EDC3: variants seen among roughly 807,000 people sequenced by gnomAD.
EDC3 encodes enhancer of mRNA decapping 3.
A neutral mutation model predicts 41.8 loss-of-function variants in EDC3; 20 were observed. The observed-to-expected ratio is 0.48, with a 90% confidence interval of 0.34 to 0.70. The LOEUF is 0.70. Among genes scored for constraint, EDC3 ranks in the 30% least tolerant of loss-of-function variants. The probability of loss-of-function intolerance (pLI) is 0.01; values close to 1 mark genes in which losing one functional copy is unlikely to be tolerated. For missense variants in EDC3, 444 were observed against 636.8 expected (o/e 0.70, Z 3.26); for synonymous variants, 206 against 243.2 (o/e 0.85, Z 1.42).
Position 74,640,587 on chromosome 15 carries a change from C to T in EDC3, c.853G>A (p.Glu285Lys). 6.2e-7 allele frequency: 1 copy of T among 1,614,140 alleles called. No individual in the cohort carries two copies. Among genetic ancestry groups the T allele is most frequent in the South Asian group, 1.1e-5 (1 of 91,074 alleles). ...SGLVVPSISY[E>K]LHKKLLSVAE... ...ACGGACAACAGCTTTTTATGCAGCTCATAGGAAATACTTGGGACAACCAGG... is the reference window on the plus strand; with the variant it reads ...ACGGACAACAGCTTTTTATGCAGCTTATAGGAAATACTTGGGACAACCAGG... The change falls in exon 5 of 7, where the codon GAG becomes AAG. Residue 285 changes from glutamate to lysine, a missense_variant. Glu to Lys is a moderately conservative substitution (Grantham distance 56, BLOSUM62 1). Coordinates refer to ENST00000315127, the MANE Select transcript of EDC3 (RefSeq NM_025083.5).
rs916623879 is a variant in EDC3 at position 74,665,798 on chromosome 15, CT to C, written c.484+5656del. ...AAGACAGATTATATTTCTTTCTTTC[CT>C]TTTTTTTTTTTTTTTTGAGACAGAG... On this transcript the variant is annotated intron_variant, in intron 3 of 6. Coordinates refer to ENST00000315127, the MANE Select transcript of EDC3 (RefSeq NM_025083.5). 7.0e-3 allele frequency among the ~76,000 whole-genome samples: 957 copies of C among 137,236 alleles called. 5 individuals carry two copies. Among genetic ancestry groups the C allele is most frequent in the African/African-American group, 0.017 (627 of 37,510 alleles). The allele number at this position is 137,236 out of a possible 152,430, so 90.0% of individuals were successfully genotyped here.
At chr15:74,647,881 T>C (rs2062435264) in intron 4 of EDC3, among the ~76,000 whole-genome samples, 1 of 152,190 alleles carries the variant, frequency 6.6e-6, no homozygotes, top group African/African-American at 2.4e-5. Flanking sequence ...GTGCAGGTGT[T>C]CTGTCCAGAA....
rs1224490954 is a variant in EDC3, at chr15:74,630,921, C to T, written c.*1691G>A. The T allele has an allele frequency of 1.3e-5, 2 of 152,364 alleles. No individual in the cohort carries two copies. The highest frequency in any genetic ancestry group is 3.4e-3 in the Middle Eastern group (1 of 294). The allele number at this position is 152,364 out of a possible 1,614,324, so 9.4% of individuals were successfully genotyped here. ...CACTGTACCTAATCAGGGGGCCTAACTGCATTAACAGGCAGCCAGAACCTA... is the reference window on the plus strand; with the variant it reads ...CACTGTACCTAATCAGGGGGCCTAATTGCATTAACAGGCAGCCAGAACCTA... On this transcript the variant is annotated 3_prime_UTR_variant, in exon 7 of 7. Coordinates refer to ENST00000315127, the MANE Select transcript of EDC3 (RefSeq NM_025083.5).
In EDC3 at chr15:74,688,863, T is replaced by C. The variant is rs1056460104; in HGVS notation, c.-19+7017A>G. On this transcript the variant is annotated intron_variant, in intron 1 of 6. Coordinates refer to ENST00000315127, the MANE Select transcript of EDC3 (RefSeq NM_025083.5). ...CGGAGGTTGCAGTGAGCCAAGATCC[T>C]GCTACTGCACTCCAGTATGGGTGAC... Among the ~76,000 whole-genome samples the C allele has an allele frequency of 1.3e-4, 20 of 149,836 alleles. No individual in the cohort carries two copies. In the Admixed American group the frequency reaches 1.3e-3, roughly 10 times the overall value.
chr15:74,692,233 T>C (rs1211306119), intron 1 of EDC3, among the ~76,000 whole-genome samples: 8 of 152,192 alleles, frequency 5.3e-5, no homozygotes, highest in African/African-American at 1.9e-4. Flanking sequence ...ACTTTTGCTT[T>C]AGGATAAAAT....
At chr15:74,679,153 G>A (rs777282338) in intron 1 of EDC3, among the ~76,000 whole-genome samples, 3 of 151,894 alleles carry the variant, frequency 2.0e-5, no homozygotes, top group Admixed American at 6.6e-5. Flanking sequence ...CCAAGATCGC[G>A]CCACTGCACT....
At chr15:74,684,235 C>T (rs1456092112) in intron 1 of EDC3, among the ~76,000 whole-genome samples, 2 of 151,850 alleles carry the variant, frequency 1.3e-5, no homozygotes, top group East Asian at 3.9e-4. Flanking sequence ...CAGGGTCTCA[C>T]TTTGCTGCCC....
chr15:74,632,409 CA>C lies in EDC3; in HGVS notation c.*202del. 1 of 647,228 alleles carries C rather than the reference CA, an allele frequency of 1.5e-6. No individual in the cohort carries two copies. The highest frequency in any genetic ancestry group is 2.0e-5 in the South Asian group (1 of 49,782). The allele number at this position is 647,228 out of a possible 1,614,324, so 40.1% of individuals were successfully genotyped here. A position where few individuals can be genotyped will look rare whatever the true frequency, so the allele number is the denominator to read the frequency against. ...TGGAGTTGCTGCACGCTCAGCCTGCCACCCAGCCCGGAACCCAGTGGGAAAG... is the reference window on the plus strand; with the variant it reads ...TGGAGTTGCTGCACGCTCAGCCTGCCCCCAGCCCGGAACCCAGTGGGAAAG... On this transcript the variant is annotated 3_prime_UTR_variant, in exon 7 of 7. Coordinates refer to ENST00000315127, the MANE Select transcript of EDC3 (RefSeq NM_025083.5). The surrounding 1 kb of genome is among the most constrained non-coding windows in gnomAD (Gnocchi z 4.0).
chr15:74,655,889 TCTC>T lies in EDC3; in HGVS notation c.661_663del (p.Glu221del), dbSNP rs1166687312. The T allele has an allele frequency of 6.2e-7, 1 of 1,614,060 alleles. No homozygotes were observed. Among genetic ancestry groups the T allele is most frequent in the Non-Finnish European group, 8.5e-7 (1 of 1,180,014 alleles). ...CCACTTCTCCTTTCATAGGTATCAA[TCTC>T]CTCAAACACAGCTGCCTTGTCAAAA... On this transcript the variant is annotated inframe_deletion, in exon 4 of 7. Transcript: ENST00000315127.
intron 1 of EDC3, among the ~76,000 whole-genome samples, chr15:74,693,950 T>C (rs766097213): frequency 6.6e-6 from 1 of 151,616 alleles, no homozygotes; most frequent in Non-Finnish European, 1.5e-5. Flanking sequence ...ACCACTGCAC[T>C]CCGTCCAACC....
chr15:74,631,995 G>A lies in EDC3; in HGVS notation c.*617C>T, dbSNP rs1181485412. 1 of 154,860 alleles carries A rather than the reference G, an allele frequency of 6.5e-6. No individual in the cohort carries two copies. Among genetic ancestry groups the A allele is most frequent in the Non-Finnish European group, 1.4e-5 (1 of 69,772 alleles). The allele number at this position is 154,860 out of a possible 1,614,324, so 9.6% of individuals were successfully genotyped here. ...CTCTGAGTGATGGAGGGAAAAGGAGGGAGAGATCCTTGGAAAAATCAGCAT... is the reference window on the plus strand; with the variant it reads ...CTCTGAGTGATGGAGGGAAAAGGAGAGAGAGATCCTTGGAAAAATCAGCAT... On this transcript the variant is annotated 3_prime_UTR_variant, in exon 7 of 7. Coordinates refer to ENST00000315127, the MANE Select transcript of EDC3 (RefSeq NM_025083.5).
chr15:74,676,626 A>C (rs940533498), intron 1 of EDC3, among the ~76,000 whole-genome samples: 1 of 152,200 alleles, frequency 6.6e-6, no homozygotes, highest in African/African-American at 2.4e-5. Context: ...TGACACAAGA[A>C]ATTAAAAATC....
At chr15:74,676,061 C>T (rs954147105) in intron 1 of EDC3, among the ~76,000 whole-genome samples, 2 of 151,908 alleles carry the variant, frequency 1.3e-5, no homozygotes, top group African/African-American at 4.8e-5. Context: ...ATATTCTCTA[C>T]CCACAACAGA....
intron 4 of EDC3, chr15:74,641,014 G>C: frequency 4.1e-6 from 1 of 241,786 alleles, no homozygotes; most frequent in South Asian, 5.0e-5. Flanking sequence ...TGGGCAGCGG[G>C]GCTTCCTCAC....
chr15:74,640,485 G>C lies in EDC3; in HGVS notation c.955C>G (p.Leu319Val), dbSNP rs1188420027. 5.0e-6 allele frequency: 8 copies of C among 1,614,034 alleles called. No individual in the cohort carries two copies. The highest frequency in any genetic ancestry group is 6.8e-6 in the Non-Finnish European group (8 of 1,180,032). ...ATTTACCTGTTAGGTCCTCCGAGGA[G>C]GGTCAGTGCCATCTGACTGGCACAC... ...GVCASQMALT[L>V]LGGPNRLNPK... Residue 319 changes from leucine to valine, a missense_variant, in exon 5 of 7, where the codon CTC (leucine) becomes GTC (valine). Physicochemically the swap from Leu to Val is conservative, Grantham distance 32. Coordinates refer to ENST00000315127, the MANE Select transcript of EDC3 (RefSeq NM_025083.5).
intron 4 of EDC3, chr15:74,641,039 T>C (rs1190316430): frequency 8.7e-6 from 2 of 230,494 alleles, no homozygotes; most frequent in Admixed American, 1.1e-4. Context: ...AGGCCCCTTG[T>C]CCTTCCTGAG....
At chr15:74,652,664 C>T (rs919072822) in intron 4 of EDC3, among the ~76,000 whole-genome samples, 8 of 152,174 alleles carry the variant, frequency 5.3e-5, no homozygotes, top group Middle Eastern at 3.4e-3. Flanking sequence ...TCATTGCAGC[C>T]GCAACCTCAT....
chr15:74,652,231 C>CTTT (rs1458703072), intron 4 of EDC3, among the ~76,000 whole-genome samples: 14 of 143,350 alleles, frequency 9.8e-5, no homozygotes, highest in African/African-American at 3.3e-4. Flanking sequence ...TATATTTTTC[C>CTTT]TTTTTTTTTT....
At chr15:74,635,933 C>T (rs145640094) in intron 5 of EDC3, 25 of 372,558 alleles carry the variant, frequency 6.7e-5, no homozygotes, top group Non-Finnish European at 1.1e-4. Flanking sequence ...AATAGTTCCT[C>T]TGCAGCCTTG....
Sources: allele counts gnomAD v4.1 joint callset (sites outside exome capture counted in the v4.1 genomes callset), GRCh38; gene constraint gnomAD v4.1.1; non-coding constraint Gnocchi (gnomAD v3.1); transcripts MANE v1.5; gene names NCBI Gene and HGNC (gene_info 2026-07-23, HGNC 2026-07-21).